The following ADCY10 variants were observed in gnomAD, a reference collection of about 807,000 sequenced individuals.
The protein encoded by ADCY10 is adenylate cyclase type 10.
Under a neutral mutation model 183.3 loss-of-function variants are expected in ADCY10, and 156 were observed. That is an observed-to-expected ratio of 0.85 (90% CI 0.75 to 0.97). The LOEUF is 0.97. Among genes scored for constraint, ADCY10 ranks in the 50% least tolerant of loss-of-function variants. The probability of loss-of-function intolerance (pLI) is 0.00; values close to 1 mark genes in which losing one functional copy is unlikely to be tolerated. For synonymous variants in ADCY10, 645 were observed against 670.0 expected (o/e 0.96, Z 0.58); for missense variants, 1,745 against 1,934.3 (o/e 0.90, Z 1.84).
At chr1:167,819,972 T>C (rs984811935) in intron 30 of ADCY10, 34 of 1,385,662 alleles carry the variant, frequency 2.5e-5, no homozygotes, top group African/African-American at 4.3e-5. Flanking sequence ...TCTTCCATTG[T>C]TTTGCCACTA....
At position 167,846,208 on chromosome 1, in the gene ADCY10, T is replaced by A; in HGVS notation, c.2493A>T (p.Arg831Ser). Residue 831 changes from arginine to serine, a missense_variant, in exon 20 of 33, where the codon AGA becomes AGT. Arg to Ser is a moderately radical substitution (Grantham distance 110). Transcript: ENST00000367851. ...AGGTCAGGCCAATGATGGCAGCACA[T>A]CTCACCAGCATTTGGTGGGAAAGTC... ...SMRLSHQMLV[R>S]CAAIIGLTFT... is the part of the protein sequence containing the mutation. 2 of 1,614,200 alleles carry A rather than the reference T, an allele frequency of 1.2e-6. No individual in the cohort carries two copies. Among genetic ancestry groups the A allele is most frequent in the Non-Finnish European group, 1.7e-6 (2 of 1,180,044 alleles).
chr1:167,866,032 C>T (rs184068982), intron 14 of ADCY10, among the ~76,000 whole-genome samples: 1 of 152,202 alleles, frequency 6.6e-6, no homozygotes, highest in Non-Finnish European at 1.5e-5. Flanking sequence ...ACTTAGGATT[C>T]CTTGGAGACC....
At chr1:167,820,393 A>AC (rs1246522508) in intron 30 of ADCY10, 8 of 548,648 alleles carry the variant, frequency 1.5e-5, no homozygotes, top group African/African-American at 1.4e-4. Context: ...CTGGCTCAGC[A>AC]CCCCGAGAGC....
At chr1:167,819,467 G>A (rs1157007906) in intron 30 of ADCY10, among the ~76,000 whole-genome samples, 1 of 152,068 alleles carries the variant, frequency 6.6e-6, no homozygotes, top group African/African-American at 2.4e-5. Context: ...TCGAACTCCT[G>A]ACCTCAGGTG....
In ADCY10 at chr1:167,828,961, C is replaced by CA. The variant is rs553643358; in HGVS notation, c.3750+305dup. Among the ~76,000 whole-genome samples the CA allele has an allele frequency of 1.5e-3, 223 of 151,536 alleles. 1 individual carries two copies. The highest frequency in any genetic ancestry group is 4.6e-3 in the African/African-American group (188 of 41,302). On this transcript the variant is annotated intron_variant, in intron 26 of 32. Transcript: ENST00000367851. ...TGGGTGACAGAGCAAGACTCCATCT[C>CA]AAAAAAAACCAGCAAAAATAATAAT...
intron 12 of ADCY10, 145 bp from the exon 13 acceptor site, chr1:167,875,331 A>G: frequency 1.3e-6 from 1 of 768,704 alleles, no homozygotes; most frequent in Non-Finnish European, 2.3e-6. Context: ...GCAAACGCCA[A>G]AAGAAGGAGA....
intron 1 of ADCY10, among the ~76,000 whole-genome samples, chr1:167,912,145 A>C (rs1445426342): frequency 6.6e-6 from 1 of 152,228 alleles, no homozygotes; most frequent in African/African-American, 2.4e-5. Flanking sequence ...TGTAATTATA[A>C]TTTATTATGA....
chr1:167,824,885 G>C (rs753016203), intron 26 of ADCY10, 30 bp from the exon 27 acceptor site: 4 of 1,599,540 alleles, frequency 2.5e-6, no homozygotes, highest in Non-Finnish European at 3.4e-6. Flanking sequence ...GAAGAGTGAG[G>C]CAGAACGCAA....
chr1:167,836,447 A>G lies in ADCY10; in HGVS notation c.3171T>C (p.Ser1057=), dbSNP rs767422619. The change falls in exon 23 of 33, where the codon TCT becomes TCC. Residue 1057 remains serine (S), a synonymous_variant. Transcript: ENST00000367851. ...TSDEDIIPLE[S]CQCEEILEIV... ...TCTCTAGGATTTCTTCACACTGGCA[A>G]GATTCCAGAGGGATAATGTCTTCGT... The G allele has an allele frequency of 3.0e-5, 48 of 1,614,018 alleles. No homozygotes were observed. The highest frequency in any genetic ancestry group is 2.0e-4 in the Admixed American group (12 of 60,008).
intron 5 of ADCY10, among the ~76,000 whole-genome samples, chr1:167,901,196 A>G (rs1385672864): frequency 6.6e-6 from 1 of 152,186 alleles, no homozygotes; most frequent in African/African-American, 2.4e-5. Flanking sequence ...CCTTGTGTAA[A>G]GCTGGAGCTG....
chr1:167,859,316 A>G (rs924890008), intron 16 of ADCY10, among the ~76,000 whole-genome samples: 1 of 152,212 alleles, frequency 6.6e-6, no homozygotes, highest in East Asian at 1.9e-4. Flanking sequence ...CTTATGAAAG[A>G]GACACTGTTC....
chr1:167,810,928 C>T lies in ADCY10; in HGVS notation c.4483-15G>A. 6.2e-7 allele frequency: 1 copy of T among 1,612,746 alleles called. No individual in the cohort carries two copies. The highest frequency in any genetic ancestry group is 8.5e-7 in the Non-Finnish European group (1 of 1,178,908). On this transcript the variant is annotated splice_polypyrimidine_tract_variant and intron_variant, in intron 31 of 32. Coordinates refer to ENST00000367851, the MANE Select transcript of ADCY10 (RefSeq NM_018417.6). Reference sequence around the variant, plus strand: ...TTCTCCAAGTTCTAAAGAAAAAAAACCCACAACAGTATATTAGAATTAAAC... The same window carrying T: ...TTCTCCAAGTTCTAAAGAAAAAAAATCCACAACAGTATATTAGAATTAAAC...
Position 167,848,720 on chromosome 1 carries a change from T to C in ADCY10, c.2309-231A>G, listed in dbSNP as rs370263922. The stretch of plus-strand genomic sequence containing the variant: ...GGCTGGAGTGCAGTGGCGTGATCTT[T>C]GCTCACTGCAACCTCCGCCTCCCAG... On this transcript the variant is annotated intron_variant, in intron 18 of 32. Transcript: ENST00000367851. 1.3e-5 allele frequency among the ~76,000 whole-genome samples: 2 copies of C among 151,786 alleles called. 1 individual carries two copies. Among genetic ancestry groups the C allele is most frequent in the Middle Eastern group, 6.3e-3 (2 of 316 alleles).
chr1:167,866,373 T>A (rs543665614), intron 14 of ADCY10, among the ~76,000 whole-genome samples: 1 of 152,124 alleles, frequency 6.6e-6, no homozygotes, highest in Non-Finnish European at 1.5e-5. Context: ...AAAATTTAAG[T>A]CAATATTTTA....
intron 26 of ADCY10, among the ~76,000 whole-genome samples, chr1:167,826,795 A>G (rs2101878642): frequency 6.6e-6 from 1 of 152,302 alleles, no homozygotes; most frequent in South Asian, 2.1e-4. Context: ...AAACAGAGTG[A>G]CAAGTTAGAA....
At chr1:167,837,225 C>T (rs1188190599) in intron 22 of ADCY10, 24 bp downstream of exon 22, 7 of 1,580,984 alleles carry the variant, frequency 4.4e-6, no homozygotes, top group Non-Finnish European at 6.1e-6. Context: ...GCTCTACTTC[C>T]TAAACAATGA....
Position 167,848,955 on chromosome 1 carries a change from T to A in ADCY10, c.2309-466A>T, listed in dbSNP as rs78191214. On this transcript the variant is annotated intron_variant, in intron 18 of 32. Coordinates refer to ENST00000367851, the MANE Select transcript of ADCY10 (RefSeq NM_018417.6). ...CTGCACCAGGCCGCTGGAAACCTTA[T>A]TCTAAGTAAAACTGATTCATGAAAA... is the stretch of plus-strand genomic sequence containing the variant. Among the ~76,000 whole-genome samples the A allele has an allele frequency of 4.0e-3, 602 of 152,276 alleles. 3 individuals carry two copies. Among genetic ancestry groups the A allele is most frequent in the Middle Eastern group, 0.01 (3 of 294 alleles).
Position 167,846,001 on chromosome 1 carries a change from C to T in ADCY10, c.2700G>A (p.Lys900=). ...FEVHYRSLSL[K]PSEGMDHGEE... is the part of the protein sequence containing the mutation. ...GCTACTCACCCATCCCTTCACTGGG[C>T]TTCAGAGACAAGGAACGATAGTGCA... The change falls in exon 20 of 33, where the codon AAG becomes AAA. Residue 900 remains lysine, a synonymous_variant. Transcript: ENST00000367851. The T allele has an allele frequency of 6.2e-7, 1 of 1,614,230 alleles. No individual in the cohort carries two copies. The highest frequency in any genetic ancestry group is 8.5e-7 in the Non-Finnish European group (1 of 1,180,042).
At chr1:167,833,902 G>A in intron 24 of ADCY10, 68 bp downstream of exon 24, 1 of 1,211,402 alleles carries the variant, frequency 8.3e-7, no homozygotes. Context: ...GTATAGGGAT[G>A]ACTTCTACTT....
Sources: allele counts gnomAD v4.1 joint callset (sites outside exome capture counted in the v4.1 genomes callset), GRCh38; gene constraint gnomAD v4.1.1; transcripts MANE v1.5; gene names NCBI Gene and HGNC (gene_info 2026-07-23, HGNC 2026-07-21).